The following RSF1 variants were observed in gnomAD, a reference collection of about 807,000 sequenced individuals.
RSF1 encodes remodeling and spacing factor 1.
In RSF1, 13 loss-of-function variants were observed where a neutral mutation model predicts 145.2. That is an observed-to-expected ratio of 0.09 (90% CI 0.06 to 0.14). The LOEUF is 0.14. Among genes scored for constraint, RSF1 ranks in the 10% least tolerant of loss-of-function variants. The probability of loss-of-function intolerance (pLI) is 1.00; values close to 1 mark genes in which losing one functional copy is unlikely to be tolerated. For synonymous variants in RSF1, 577 were observed against 592.6 expected, an observed-to-expected ratio of 0.97 and a Z score of 0.38; for missense variants, 1,517 against 1,718.2, an observed-to-expected ratio of 0.88 and a Z score of 2.07.
At chr11:77,670,181 T>C (rs1388500561) in intron 15 of RSF1, among the ~76,000 whole-genome samples, 1 of 152,210 alleles carries the variant, frequency 6.6e-6, no homozygotes, top group African/African-American at 2.4e-5. Context: ...GTTTGCTGAC[T>C]GGCCCCCACT....
At chr11:77,789,963 C>T (rs993683556) in intron 1 of RSF1, among the ~76,000 whole-genome samples, 5 of 152,198 alleles carry the variant, frequency 3.3e-5, no homozygotes, top group Non-Finnish European at 7.3e-5. Flanking sequence ...TTGGGAGTGG[C>T]TGGCCCAGTC....
intron 5 of RSF1, 78 bp from the exon 6 acceptor site, chr11:77,702,573 T>C (rs1366367239): frequency 2.2e-6 from 2 of 894,012 alleles, no homozygotes; most frequent in Admixed American, 7.3e-5. Context: ...ATAATGTATA[T>C]TTCCATTTAA....
chr11:77,828,950 A>G, the RSF1 span, among the ~76,000 whole-genome samples: 3 of 152,106 alleles, frequency 2.0e-5, no homozygotes, highest in Admixed American at 6.6e-5. Context: ...AAGTTGAAGG[A>G]CTCACACTTC....
the RSF1 span, chr11:77,868,823 G>A: frequency 2.2e-4 from 46 of 210,296 alleles, no homozygotes; most frequent in Non-Finnish European, 4.4e-4. Context: ...ATTTGAACCC[G>A]GGTACCTTTC....
intron 15 of RSF1, 108 bp from the exon 16 acceptor site, chr11:77,667,599 T>C (rs1449542940): frequency 1.5e-5 from 14 of 952,732 alleles, no homozygotes; most frequent in Admixed American, 2.6e-5. Context: ...GAATTGCTTG[T>C]ACCTAAATGT....
the RSF1 span, among the ~76,000 whole-genome samples, chr11:77,833,007 A>ATT: frequency 6.7e-4 from 35 of 51,948 alleles, 4 homozygotes; most frequent in African/African-American, 2.6e-3. Flanking sequence ...GTATATATAT[A>ATT]TATTTTTTTT....
chr11:77,865,511 CT>C, the RSF1 span, among the ~76,000 whole-genome samples: 5 of 152,318 alleles, frequency 3.3e-5, no homozygotes, highest in African/African-American at 1.2e-4. Context: ...ATCATTTCTT[CT>C]GCTCATGTTC....
intron 5 of RSF1, among the ~76,000 whole-genome samples, chr11:77,711,529 C>T (rs1323368126): frequency 1.3e-5 from 2 of 151,886 alleles, no homozygotes; most frequent in Admixed American, 6.6e-5. Flanking sequence ...ATTAGCCGGG[C>T]GTGGTTGCAG....
upstream of RSF1, among the ~76,000 whole-genome samples, chr11:77,824,813 C>G (rs1949093429): frequency 6.6e-6 from 1 of 152,218 alleles, no homozygotes; most frequent in South Asian, 2.1e-4. Context: ...TCTATAAACA[C>G]TGCATTCAAC....
chr11:77,752,186 G>GA (rs1948069926), intron 2 of RSF1, among the ~76,000 whole-genome samples: 1 of 152,202 alleles, frequency 6.6e-6, no homozygotes, highest in South Asian at 2.1e-4. Context: ...AGAGCAGCCT[G>GA]AAAAATCGAG....
intron 4 of RSF1, chr11:77,738,827 G>C (rs559087646): frequency 2.6e-5 from 4 of 151,990 alleles, no homozygotes; most frequent in Admixed American, 2.6e-4. Flanking sequence ...TTACAGGTGT[G>C]TGCCACCAAA....
At chr11:77,734,626 A>G (rs2135900535) in intron 4 of RSF1, 1 of 1,514,898 alleles carries the variant, frequency 6.6e-7, no homozygotes, top group Non-Finnish European at 9.1e-7. Flanking sequence ...ATGTGTCTCA[A>G]TGAAGTCACA....
At chr11:77,784,814 C>A (rs1304273705) in intron 1 of RSF1, among the ~76,000 whole-genome samples, 3 of 152,118 alleles carry the variant, frequency 2.0e-5, no homozygotes, top group Non-Finnish European at 1.5e-5. Flanking sequence ...AGTGTAAGTT[C>A]TAGGAAATGT....
At chr11:77,842,331 T>A in the RSF1 span, 1 of 731,308 alleles carries the variant, frequency 1.4e-6, no homozygotes. Context: ...AATAGTTACT[T>A]TTTAGACCTC....
intron 7 of RSF1, among the ~76,000 whole-genome samples, chr11:77,694,435 G>A (rs994146403): frequency 2.0e-5 from 3 of 152,132 alleles, no homozygotes; most frequent in South Asian, 2.1e-4. Flanking sequence ...ACAAAGGTTC[G>A]TAACATCACT....
rs1458981092 is a variant in RSF1, at chr11:77,676,953, C to T, written c.3180G>A (p.Gly1060=). The T allele has an allele frequency of 2.8e-6, 4 of 1,434,480 alleles. No homozygotes were observed. The highest frequency in any genetic ancestry group is 3.8e-6 in the Non-Finnish European group (4 of 1,062,806). The allele number at this position is 1,434,480 out of a possible 1,614,324, so 88.9% of individuals were successfully genotyped here. A position where few individuals can be genotyped will look rare whatever the true frequency, so the allele number is the denominator to read the frequency against. The change falls in exon 13 of 16, where the codon GGG becomes GGA. Residue 1060 remains glycine, a synonymous_variant. Coordinates refer to ENST00000308488, the MANE Select transcript of RSF1 (RefSeq NM_016578.4). ...KDISTITGHR[G]KDISTILDEE... The stretch of plus-strand genomic sequence containing the variant: ...CATCCAAAATAGTAGAGATGTCTTT[C>T]CCACGATGACCTGTGATGGTGGAGA...
At position 77,690,023 on chromosome 11, in the gene RSF1, G is replaced by A. The variant is rs574722802; in HGVS notation, c.2900+1136C>T. On this transcript the variant is annotated intron_variant, in intron 9 of 15. Transcript: ENST00000308488. ...CTAAAAATACAAAAATTAGCCAGGCGTGGTGGCGGGTGCCTGTAGTCCCAG... is the reference window on the plus strand; with the variant it reads ...CTAAAAATACAAAAATTAGCCAGGCATGGTGGCGGGTGCCTGTAGTCCCAG... Among the ~76,000 whole-genome samples the A allele has an allele frequency of 6.6e-5, 10 of 152,138 alleles. No homozygotes were observed. In the South Asian group the frequency reaches 1.2e-3, roughly 19 times the overall value.
intron 5 of RSF1, among the ~76,000 whole-genome samples, chr11:77,711,219 C>T (rs963582019): frequency 3.3e-5 from 5 of 151,514 alleles, no homozygotes; most frequent in African/African-American, 1.2e-4. Flanking sequence ...TCTAGCTTAC[C>T]TATTATTTGC....
intron 2 of RSF1, among the ~76,000 whole-genome samples, chr11:77,755,693 C>A (rs1948108636): frequency 1.3e-5 from 2 of 151,972 alleles, no homozygotes; most frequent in African/African-American, 4.8e-5. Flanking sequence ...AATTCTTCTG[C>A]CTCAGCCTCC....
Sources: allele counts gnomAD v4.1 joint callset (sites outside exome capture counted in the v4.1 genomes callset), GRCh38; gene constraint gnomAD v4.1.1; transcripts MANE v1.5; gene names NCBI Gene and HGNC (gene_info 2026-07-23, HGNC 2026-07-21).